Variants in FER observed in about 807,000 individuals in gnomAD.
The protein encoded by FER is FER tyrosine kinase.
FER carries 63 observed loss-of-function variants against 111.0 expected under a neutral mutation model. The ratio of observed to expected loss-of-function variants is 0.57; its 90% CI spans 0.46 to 0.70. The LOEUF (loss-of-function observed/expected upper bound fraction) is 0.70. Among genes scored for constraint, FER ranks in the 30% least tolerant of loss-of-function variants. The pLI, the probability that FER is intolerant of heterozygous loss-of-function variation, is 0.00. For missense variants in FER, 914 were observed against 954.0 expected (o/e 0.96, Z 0.55); for synonymous variants, 327 against 313.9 (o/e 1.04, Z -0.44).
intron 16 of FER, chr5:109,051,509 T>G: frequency 6.2e-7 from 1 of 1,605,052 alleles, no homozygotes; most frequent in Non-Finnish European, 8.5e-7. Context: ...CCCATTCGAT[T>G]TTGTTCTGCA....
At chr5:108,801,037 ACT>A (rs1756589075) in intron 3 of FER, among the ~76,000 whole-genome samples, 1 of 151,978 alleles carries the variant, frequency 6.6e-6, no homozygotes, top group Non-Finnish European at 1.5e-5. Flanking sequence ...ACAGAGCAAG[ACT>A]CTGTCTCACA....
intron 3 of FER, among the ~76,000 whole-genome samples, chr5:108,810,582 C>T (rs1757656455): frequency 1.3e-5 from 2 of 152,192 alleles, no homozygotes; most frequent in Admixed American, 1.3e-4. Flanking sequence ...TGGCCAAACT[C>T]CTAATCCAGG....
At chr5:108,977,617 T>G (rs1207712072) in intron 13 of FER, among the ~76,000 whole-genome samples, 1 of 152,204 alleles carries the variant, frequency 6.6e-6, no homozygotes. Context: ...GCCCCTACTT[T>G]TCAGTTTTGG....
intron 13 of FER, among the ~76,000 whole-genome samples, chr5:109,012,754 G>C (rs1049514286): frequency 6.6e-6 from 1 of 152,090 alleles, no homozygotes; most frequent in Admixed American, 6.5e-5. Context: ...TTTAAATTAT[G>C]AAGTGCCTTT....
intron 16 of FER, among the ~76,000 whole-genome samples, chr5:109,062,509 G>A (rs998348908): frequency 1.3e-5 from 2 of 152,038 alleles, no homozygotes; most frequent in African/African-American, 4.8e-5. Flanking sequence ...CTGGGTGACA[G>A]AGTGAGAATC....
intron 3 of FER, among the ~76,000 whole-genome samples, chr5:108,814,065 G>A (rs1758029598): frequency 6.6e-6 from 1 of 151,324 alleles, no homozygotes. Flanking sequence ...CTTTCCTCTA[G>A]TTTTGTGAAT....
intron 17 of FER, among the ~76,000 whole-genome samples, chr5:109,172,765 C>T (rs554026776): frequency 1.8e-4 from 27 of 152,090 alleles, no homozygotes; most frequent in Non-Finnish European, 3.7e-4. Flanking sequence ...AGAGGTTTAA[C>T]AATAGATCAA....
At chr5:108,929,328 G>T (rs955843870) in intron 10 of FER, among the ~76,000 whole-genome samples, 1 of 152,110 alleles carries the variant, frequency 6.6e-6, no homozygotes, top group Non-Finnish European at 1.5e-5. Context: ...ATGTGTTACT[G>T]CTAATCCATT....
chr5:108,777,052 C>T (rs989743570), intron 2 of FER, among the ~76,000 whole-genome samples: 6 of 152,238 alleles, frequency 3.9e-5, no homozygotes, highest in Non-Finnish European at 8.8e-5. Context: ...TGGCCTATGC[C>T]TGTAATCCCA....
chr5:108,907,265 C>T (rs1354598648), intron 10 of FER, among the ~76,000 whole-genome samples: 1 of 151,798 alleles, frequency 6.6e-6, no homozygotes, highest in Non-Finnish European at 1.5e-5. Context: ...TCTGCCTTCT[C>T]ATTAAACACA....
rs1158205958 is a variant in FER, at chr5:109,194,787, A to C, written c.*7212A>C. 1 of 152,280 alleles carries C rather than the reference A, an allele frequency of 6.6e-6. No homozygotes were observed. Among genetic ancestry groups the C allele is most frequent in the Non-Finnish European group, 1.5e-5 (1 of 68,100 alleles). 9.4% of individuals were successfully genotyped at this position (152,280 alleles called of 1,614,324 possible). A position where few individuals can be genotyped will look rare whatever the true frequency, so the allele number is the denominator to read the frequency against. Reference sequence around the variant, plus strand: ...GGAGCAGCAAAAAACTGAGCAGGAAAGGAAACAGAATCCAAAGTCATTTTT... The same window carrying C: ...GGAGCAGCAAAAAACTGAGCAGGAACGGAAACAGAATCCAAAGTCATTTTT... On this transcript the variant is annotated 3_prime_UTR_variant, in exon 20 of 20. Transcript: ENST00000281092.
At chr5:108,984,636 TTGAG>T (rs752851862) in intron 13 of FER, among the ~76,000 whole-genome samples, 3 of 152,156 alleles carry the variant, frequency 2.0e-5, no homozygotes, top group Non-Finnish European at 4.4e-5. Context: ...TTAATATTTA[TTGAG>T]TATTATGCTC....
chr5:108,925,696 G>A (rs1033685227), intron 10 of FER, among the ~76,000 whole-genome samples: 1 of 151,962 alleles, frequency 6.6e-6, no homozygotes, highest in Non-Finnish European at 1.5e-5. Context: ...GAAGATAGTT[G>A]AAATACATAC....
chr5:108,930,374 C>T (rs1339251588), intron 10 of FER, among the ~76,000 whole-genome samples: 1 of 102 alleles, frequency 9.8e-3, no homozygotes, highest in African/African-American at 0.083. Flanking sequence ...CCCCTCCTTT[C>T]CCCTCCCCTC....
At chr5:108,793,777 T>A (rs1410110819) in intron 2 of FER, among the ~76,000 whole-genome samples, 2 of 137,292 alleles carry the variant, frequency 1.5e-5, no homozygotes, top group Non-Finnish European at 3.1e-5. Context: ...AATTTTACTT[T>A]TTTTGTATTC....
At chr5:108,922,578 C>G (rs1753164133) in intron 10 of FER, among the ~76,000 whole-genome samples, 1 of 151,910 alleles carries the variant, frequency 6.6e-6, no homozygotes, top group African/African-American at 2.4e-5. Context: ...TTTTATGAGC[C>G]TGGGTAAGTG....
At chr5:109,141,136 T>C (rs947511565) in intron 17 of FER, among the ~76,000 whole-genome samples, 1 of 152,178 alleles carries the variant, frequency 6.6e-6, no homozygotes, top group African/African-American at 2.4e-5. Context: ...CTTGTATACC[T>C]AATGTTAAGA....
chr5:109,141,807 A>G (rs1347335753), intron 17 of FER, among the ~76,000 whole-genome samples: 1 of 152,186 alleles, frequency 6.6e-6, no homozygotes, highest in Non-Finnish European at 1.5e-5. Context: ...CTGCAGAGAG[A>G]GATACTGTAT....
At chr5:109,097,119 T>C (rs1018274536) in intron 16 of FER, among the ~76,000 whole-genome samples, 2 of 151,672 alleles carry the variant, frequency 1.3e-5, no homozygotes, top group Non-Finnish European at 2.9e-5. Flanking sequence ...AAATAAATGG[T>C]ATTAAATGTC....
Sources: allele counts gnomAD v4.1 joint callset (sites outside exome capture counted in the v4.1 genomes callset), GRCh38; gene constraint gnomAD v4.1.1; transcripts MANE v1.5; gene names NCBI Gene and HGNC (gene_info 2026-07-23, HGNC 2026-07-21).